BMP2K: variants seen among roughly 807,000 people sequenced by gnomAD.
BMP2K encodes the protein BMP-2-inducible protein kinase.
In BMP2K, 74 loss-of-function variants were observed where a neutral mutation model predicts 116.0. That is an observed-to-expected ratio of 0.64 (90% CI 0.53 to 0.77). The LOEUF is 0.77. Among genes scored for constraint, BMP2K ranks in the 30% least tolerant of loss-of-function variants. BMP2K has a pLI of 0.00. For synonymous variants in BMP2K, 486 were observed against 502.5 expected, an observed-to-expected ratio of 0.97 and a Z score of 0.44; for missense variants, 1,365 against 1,403.6, an observed-to-expected ratio of 0.97 and a Z score of 0.44.
intron 14 of BMP2K, among the ~76,000 whole-genome samples, chr4:78,882,116 A>T (rs1732903286): frequency 6.6e-6 from 1 of 152,106 alleles, no homozygotes; most frequent in East Asian, 1.9e-4. Flanking sequence ...TTATTTTTTT[A>T]AAAACAAAAA....
In BMP2K at chr4:78,887,198, C is replaced by G; in HGVS notation, c.1976C>G (p.Ser659Ter). The G allele has an allele frequency of 6.2e-7, 1 of 1,609,950 alleles. No homozygotes were observed. Among genetic ancestry groups the G allele is most frequent in the Non-Finnish European group, 8.5e-7 (1 of 1,177,914 alleles). The change falls in exon 15 of 16, where the codon TCA becomes TGA. Residue 659 changes from serine to a stop codon, truncating the protein, a stop_gained. Coordinates refer to ENST00000502613, the MANE Select transcript of BMP2K (RefSeq NM_198892.2). LOFTEE classifies it high-confidence loss of function. Reference sequence around the variant, plus strand: ...GATAGGCTCGAGGAGAGAGCATCCTCAGATAAGAATGTAGACTCACTTTCT... The same window carrying G: ...GATAGGCTCGAGGAGAGAGCATCCTGAGATAAGAATGTAGACTCACTTTCT... ...RSNRLEERAS[S>*]DKNVDSLSAP...
At chr4:78,875,013 A>G (rs1234078940) in intron 13 of BMP2K, among the ~76,000 whole-genome samples, 1 of 152,210 alleles carries the variant, frequency 6.6e-6, no homozygotes, top group African/African-American at 2.4e-5. Context: ...CTCCACTCCT[A>G]TGAAATTTAT....
chr4:78,791,649 C>T (rs1728006395), intron 1 of BMP2K, among the ~76,000 whole-genome samples: 1 of 152,118 alleles, frequency 6.6e-6, no homozygotes, highest in African/African-American at 2.4e-5. Context: ...ATTTACTTTC[C>T]ATTTCTATGA....
chr4:78,803,397 G>C (rs1024490423), intron 1 of BMP2K, among the ~76,000 whole-genome samples: 1 of 151,698 alleles, frequency 6.6e-6, no homozygotes, highest in Non-Finnish European at 1.5e-5. Flanking sequence ...GTGTCTCTTG[G>C]TTACTTTTTT....
chr4:78,777,579 A>G (rs1270166153), intron 1 of BMP2K, among the ~76,000 whole-genome samples: 1 of 152,256 alleles, frequency 6.6e-6, no homozygotes, highest in African/African-American at 2.4e-5. Flanking sequence ...TGTGTGCTGC[A>G]TGCTTCATTG....
chr4:78,793,187 G>A (rs1166644268), intron 1 of BMP2K, among the ~76,000 whole-genome samples: 2 of 151,964 alleles, frequency 1.3e-5, no homozygotes, highest in African/African-American at 2.4e-5. Flanking sequence ...CGAGGCGGGC[G>A]GATCACGAGG....
intron 14 of BMP2K, chr4:78,879,556 G>C (rs1232322658): frequency 1.8e-6 from 1 of 550,772 alleles, no homozygotes; most frequent in African/African-American, 2.1e-5. Flanking sequence ...TGAGTGTTTT[G>C]AGTAGGTTGC....
At position 78,909,030 on chromosome 4, in the gene BMP2K, A is replaced by AC. The variant is rs936589621; in HGVS notation, c.2063-1579dup. Among the ~76,000 whole-genome samples the AC allele has an allele frequency of 2.7e-4, 36 of 133,508 alleles. No homozygotes were observed. The Admixed American group carries it at 2.7e-3, about 10-fold the overall frequency. 87.6% of individuals were successfully genotyped at this position (133,508 alleles called of 152,430 possible). A position where few individuals can be genotyped will look rare whatever the true frequency, so the allele number is the denominator to read the frequency against. ...ATTACTATAATTTCCTTTTGCCTGAACTCCCCTTCTTACCTTCCCTTAGTC... is the reference window on the plus strand; with the variant it reads ...ATTACTATAATTTCCTTTTGCCTGAACCTCCCCTTCTTACCTTCCCTTAGTC... On this transcript the variant is annotated intron_variant, in intron 15 of 15. Coordinates refer to ENST00000502613, the MANE Select transcript of BMP2K (RefSeq NM_198892.2).
intron 1 of BMP2K, among the ~76,000 whole-genome samples, chr4:78,811,405 TATTA>T (rs1260780400): frequency 4.6e-5 from 7 of 152,348 alleles, no homozygotes; most frequent in African/African-American, 1.7e-4. Flanking sequence ...TCATTAATGC[TATTA>T]ATTTATATTA....
intron 5 of BMP2K, among the ~76,000 whole-genome samples, chr4:78,845,574 C>T (rs554378988): frequency 1.1e-4 from 17 of 151,722 alleles, no homozygotes; most frequent in Admixed American, 4.0e-4. Context: ...TTTATGTTCT[C>T]TTAATCCGGT....
intron 1 of BMP2K, among the ~76,000 whole-genome samples, chr4:78,821,415 C>T (rs1729611629): frequency 6.6e-6 from 1 of 152,188 alleles, no homozygotes; most frequent in African/African-American, 2.4e-5. Flanking sequence ...GTGACTACCC[C>T]TGTATGTCTG....
rs1352160007 is a variant in BMP2K at position 78,913,351 on chromosome 4, A to G, written c.*1318A>G. The G allele has an allele frequency of 1.3e-5, 2 of 152,150 alleles. No homozygotes were observed. Among genetic ancestry groups the G allele is most frequent in the African/African-American group, 4.8e-5 (2 of 41,450 alleles). The allele number at this position is 152,150 out of a possible 1,614,324, so 9.4% of individuals were successfully genotyped here. ...ACCAATTTGCCTTTTTTTACACCAC[A>G]AATCCTAATTAGAAACTTGAGGTTT... is the stretch of plus-strand genomic sequence containing the variant. On this transcript the variant is annotated 3_prime_UTR_variant, in exon 16 of 16. Transcript: ENST00000502613.
chr4:78,808,541 C>T (rs1728934139), intron 1 of BMP2K, among the ~76,000 whole-genome samples: 1 of 152,184 alleles, frequency 6.6e-6, no homozygotes, highest in African/African-American at 2.4e-5. Flanking sequence ...GCTGGGATTA[C>T]AGGCGTGAGC....
intron 7 of BMP2K, among the ~76,000 whole-genome samples, chr4:78,858,486 C>T (rs536888317): frequency 4.5e-4 from 69 of 151,854 alleles, no homozygotes; most frequent in Non-Finnish European, 6.9e-4. Flanking sequence ...GCAGAGTTTT[C>T]GTATATTTTA....
intron 7 of BMP2K, among the ~76,000 whole-genome samples, chr4:78,856,999 G>A (rs1444858053): frequency 2.0e-5 from 3 of 152,090 alleles, no homozygotes; most frequent in Non-Finnish European, 4.4e-5. Flanking sequence ...TATAGTAGTA[G>A]ATAGCGATCG....
chr4:78,829,704 T>G (rs1158512864), intron 2 of BMP2K, among the ~76,000 whole-genome samples: 1 of 152,104 alleles, frequency 6.6e-6, no homozygotes, highest in Non-Finnish European at 1.5e-5. Context: ...AAATTACTCC[T>G]TGACTCATGG....
At chr4:78,888,011 A>G (rs975539627) in intron 15 of BMP2K, 18 of 152,244 alleles carry the variant, frequency 1.2e-4, no homozygotes, top group African/African-American at 3.6e-4. Context: ...CAAGTTACAT[A>G]TGTAACACCA....
chr4:78,835,568 G>A (rs1480877504), intron 3 of BMP2K, among the ~76,000 whole-genome samples: 1 of 148,086 alleles, frequency 6.8e-6, no homozygotes, highest in Non-Finnish European at 1.5e-5. Flanking sequence ...GGTGGAGCTT[G>A]CAATGAGCCG....
intron 14 of BMP2K, among the ~76,000 whole-genome samples, chr4:78,885,613 T>C (rs1733039378): frequency 6.6e-6 from 1 of 152,230 alleles, no homozygotes; most frequent in African/African-American, 2.4e-5. Flanking sequence ...TGCAGTCCCT[T>C]AGAACTCAGT....
Sources: gnomAD v4.1 joint callset for allele counts (sites outside exome capture counted in the v4.1 genomes callset) on GRCh38, gnomAD v4.1.1 for gene constraint, MANE v1.5 for transcripts, NCBI Gene and HGNC (gene_info 2026-07-23, HGNC 2026-07-21) for gene names.